Variants in TNR observed in about 807,000 individuals in gnomAD.
TNR encodes tenascin R.
TNR carries 45 observed loss-of-function variants against 150.4 expected under a neutral mutation model. The observed-to-expected ratio is 0.30, with a 90% CI of 0.24 to 0.38. TNR has a LOEUF of 0.38. Ranked by LOEUF, TNR falls within the 10% of genes least tolerant of loss-of-function variation. TNR has a pLI of 1.00. For synonymous variants in TNR, 687 were observed against 678.4 expected, an observed-to-expected ratio of 1.01 and a Z score of -0.20; for missense variants, 1,544 against 1,759.1, an observed-to-expected ratio of 0.88 and a Z score of 2.19.
chr1:175,496,104 A>AT (rs1161608630), intron 2 of TNR, among the ~76,000 whole-genome samples: 2 of 152,124 alleles, frequency 1.3e-5, no homozygotes, highest in Non-Finnish European at 2.9e-5. Flanking sequence ...AGAGAAATTC[A>AT]TGTTCTCGTG....
chr1:175,489,154 G>A (rs959287690), intron 2 of TNR, among the ~76,000 whole-genome samples: 1 of 152,154 alleles, frequency 6.6e-6, no homozygotes, highest in African/African-American at 2.4e-5. Context: ...GGCAAACGAA[G>A]CCTCCCTCCA....
intron 2 of TNR, among the ~76,000 whole-genome samples, chr1:175,525,193 T>C (rs1659802594): frequency 6.6e-6 from 1 of 152,216 alleles, no homozygotes; most frequent in African/African-American, 2.4e-5. Flanking sequence ...TGCCATCATG[T>C]GAAGAAGGAG....
At chr1:175,477,964 G>A (rs1657620274) in intron 2 of TNR, among the ~76,000 whole-genome samples, 1 of 152,148 alleles carries the variant, frequency 6.6e-6, no homozygotes, top group African/African-American at 2.4e-5. Flanking sequence ...GGCTTCTTTT[G>A]CCACCCAACA....
At chr1:175,635,644 T>C (rs1024857342) in intron 1 of TNR, among the ~76,000 whole-genome samples, 1 of 152,184 alleles carries the variant, frequency 6.6e-6, no homozygotes, top group Non-Finnish European at 1.5e-5. Flanking sequence ...GAATTGACTC[T>C]ATAGAGACTG....
At chr1:175,514,332 G>A (rs1230069231) in intron 2 of TNR, among the ~76,000 whole-genome samples, 20 of 152,228 alleles carry the variant, frequency 1.3e-4, no homozygotes, top group Admixed American at 4.6e-4. Flanking sequence ...ACCCTGCATG[G>A]AAAATGCAAG....
chr1:175,639,784 G>A (rs887133216), intron 1 of TNR, among the ~76,000 whole-genome samples: 1 of 152,108 alleles, frequency 6.6e-6, no homozygotes, highest in African/African-American at 2.4e-5. Flanking sequence ...TGAGAATTTT[G>A]AATTTCCTCT....
At chr1:175,691,517 C>T (rs1446902145) in intron 1 of TNR, among the ~76,000 whole-genome samples, 2 of 152,068 alleles carry the variant, frequency 1.3e-5, no homozygotes, top group Non-Finnish European at 2.9e-5. Context: ...AATCTCTGGT[C>T]TCTCTACCCA....
At chr1:175,439,043 C>CA (rs1234343538) in intron 2 of TNR, among the ~76,000 whole-genome samples, 1 of 152,104 alleles carries the variant, frequency 6.6e-6, no homozygotes, top group African/African-American at 2.4e-5. Context: ...TCATATGGAA[C>CA]AAAAAATGAG....
intron 1 of TNR, among the ~76,000 whole-genome samples, chr1:175,709,308 T>TACATACACACACAC (rs1666932089): frequency 1.6e-5 from 2 of 127,824 alleles, no homozygotes; most frequent in Non-Finnish European, 3.4e-5. Context: ...CACACACACA[T>TACATACACACACAC]ACACACACAC....
chr1:175,662,661 T>C (rs1234727237), intron 1 of TNR, among the ~76,000 whole-genome samples: 1 of 152,204 alleles, frequency 6.6e-6, no homozygotes, highest in Non-Finnish European at 1.5e-5. Flanking sequence ...AGAATGGAGC[T>C]GGAGGGCGTC....
intron 1 of TNR, among the ~76,000 whole-genome samples, chr1:175,626,566 G>A (rs1209092868): frequency 6.6e-6 from 1 of 152,106 alleles, no homozygotes; most frequent in Non-Finnish European, 1.5e-5. Context: ...CATTCTTCAT[G>A]GCAGCCTTCA....
At chr1:175,723,979 AT>A (rs1250001679) in intron 1 of TNR, among the ~76,000 whole-genome samples, 2 of 152,146 alleles carry the variant, frequency 1.3e-5, no homozygotes, top group African/African-American at 4.8e-5. Flanking sequence ...TATTTTTAAT[AT>A]TTTGAGCAAA....
chr1:175,387,103 G>GC (rs1204259198), intron 7 of TNR, among the ~76,000 whole-genome samples: 1 of 152,174 alleles, frequency 6.6e-6, no homozygotes, highest in Non-Finnish European at 1.5e-5. Flanking sequence ...TTCCTGCAGG[G>GC]CCCACCAGCT....
At chr1:175,676,191 G>C (rs1263457320) in intron 1 of TNR, among the ~76,000 whole-genome samples, 1 of 152,116 alleles carries the variant, frequency 6.6e-6, no homozygotes, top group African/African-American at 2.4e-5. Flanking sequence ...CCAGGCACTT[G>C]ATATCTCACC....
chr1:175,710,394 A>G (rs1666976304), intron 1 of TNR, among the ~76,000 whole-genome samples: 1 of 152,138 alleles, frequency 6.6e-6, no homozygotes, highest in African/African-American at 2.4e-5. Flanking sequence ...TATGTTGGGC[A>G]TGAGGTCCCT....
intron 1 of TNR, among the ~76,000 whole-genome samples, chr1:175,622,320 T>C (rs1474483979): frequency 6.6e-6 from 1 of 152,182 alleles, no homozygotes; most frequent in Non-Finnish European, 1.5e-5. Context: ...ATGGCAGAGC[T>C]GGGGCACCAG....
chr1:175,620,728 G>A (rs1663943617), intron 1 of TNR, among the ~76,000 whole-genome samples: 1 of 152,062 alleles, frequency 6.6e-6, no homozygotes, highest in Non-Finnish European at 1.5e-5. Flanking sequence ...CTGGCCTCTG[G>A]TGTCCAGCAC....
intron 21 of TNR, among the ~76,000 whole-genome samples, chr1:175,325,097 G>C (rs1649295564): frequency 6.6e-6 from 1 of 152,208 alleles, no homozygotes; most frequent in Non-Finnish European, 1.5e-5. Flanking sequence ...TGGGACATCT[G>C]GGCTGTATCT....
At position 175,335,785 on chromosome 1, in the gene TNR, C is replaced by T. The variant is rs1340237478; in HGVS notation, c.3557G>A (p.Gly1186Asp). 1 of 1,613,996 alleles carries T rather than the reference C, an allele frequency of 6.2e-7. No individual in the cohort carries two copies. The highest frequency in any genetic ancestry group is 8.5e-7 in the Non-Finnish European group (1 of 1,179,982). ...CCATTTCCGGAAAAAATCAGTTTGG[C>T]CATTCTGCCGCCTCTGGAATACCTA... ...GWIVFQRRQN[G>D]QTDFFRKWAD... Residue 1186 changes from glycine to aspartate, a missense_variant, in exon 20 of 23, where the codon GGC becomes GAC. By Grantham distance (94) the Gly-to-Asp change is moderately conservative. Around this residue, in one of 2 missense-constraint regions of TNR, gnomAD observed 290 missense variants for 429.7 expected, o/e 0.67. Transcript: ENST00000367674.
Sources: gnomAD v4.1 joint callset for allele counts (sites outside exome capture counted in the v4.1 genomes callset) on GRCh38, gnomAD v4.1.1 for gene constraint, gnomAD v4.1.1 regional missense constraint, MANE v1.5 for transcripts, NCBI Gene and HGNC (gene_info 2026-07-23, HGNC 2026-07-21) for gene names.